The following NME9 variants were observed in gnomAD, a reference collection of about 807,000 sequenced individuals.
NME9 encodes the protein thioredoxin domain-containing protein 6.
Under a neutral mutation model 44.4 loss-of-function variants are expected in NME9, and 48 were observed. The observed-to-expected ratio is 1.08, with a 90% CI of 0.86 to 1.37. The LOEUF (loss-of-function observed/expected upper bound fraction) is 1.37. Among genes scored for constraint, NME9 ranks in the 40% most tolerant of loss-of-function variants. The pLI, the probability that NME9 is intolerant of heterozygous loss-of-function variation, is 0.00. For missense variants in NME9, 325 were observed against 405.2 expected (o/e 0.80, Z 1.70); for synonymous variants, 139 against 147.1 (o/e 0.94, Z 0.40).
chr3:138,270,419 T>C (rs1248865288), intron 8 of NME9, among the ~76,000 whole-genome samples: 1 of 152,214 alleles, frequency 6.6e-6, no homozygotes, highest in Non-Finnish European at 1.5e-5. Flanking sequence ...CATGAACATA[T>C]TATATTTTTG....
chr3:138,270,780 A>T (rs2048717341), intron 8 of NME9, among the ~76,000 whole-genome samples: 1 of 152,156 alleles, frequency 6.6e-6, no homozygotes, highest in South Asian at 2.1e-4. Flanking sequence ...ATAATTTGTA[A>T]TATATTGTAA....
intron 8 of NME9, among the ~76,000 whole-genome samples, chr3:138,275,959 A>C (rs1460972727): frequency 6.6e-6 from 1 of 152,220 alleles, no homozygotes; most frequent in African/African-American, 2.4e-5. Flanking sequence ...CAATGAAGAA[A>C]GTACATTGTT....
chr3:138,307,052 G>A (rs1329442530), intron 6 of NME9, among the ~76,000 whole-genome samples: 1 of 152,192 alleles, frequency 6.6e-6, no homozygotes. Flanking sequence ...TCCAGGCCCT[G>A]AGTCTGCATG....
At chr3:138,329,240 T>C (rs890902931) in intron 1 of NME9, 63 bp downstream of exon 1, 6 of 1,409,356 alleles carry the variant, frequency 4.3e-6, no homozygotes, top group East Asian at 2.5e-5. Context: ...AACCCCGCTC[T>C]AATCACCCTC....
In NME9 at chr3:138,279,054, A is replaced by G. The variant is rs149531301; in HGVS notation, c.746-16468T>C. ...GTTTCATTGTCTAGCTAGAACTTGC[A>G]GTGTAATGAGATGAGGATGAACATA... On this transcript the variant is annotated intron_variant, in intron 8 of 8. Transcript: ENST00000317876. Among the ~76,000 whole-genome samples the G allele has an allele frequency of 4.7e-4, 71 of 152,334 alleles. 1 individual carries two copies. Among genetic ancestry groups the G allele is most frequent in the Middle Eastern group, 3.4e-3 (1 of 294 alleles).
At chr3:138,299,389 G>C (rs1036394684), downstream of NME9, among the ~76,000 whole-genome samples, 1 of 152,082 alleles carries the variant, frequency 6.6e-6, no homozygotes, top group Non-Finnish European at 1.5e-5. Flanking sequence ...TGCCCTCCTC[G>C]TCAGGCACTC....
At chr3:138,296,558 AAAG>A (rs2051505429), downstream of NME9, 1 of 152,182 alleles carries the variant, frequency 6.6e-6, no homozygotes, top group Non-Finnish European at 1.5e-5. Flanking sequence ...AAAGAAAAAA[AAAG>A]AAAAAGTTGG....
intron 1 of NME9, among the ~76,000 whole-genome samples, chr3:138,328,418 C>T (rs1221662545): frequency 7.0e-6 from 1 of 142,610 alleles, no homozygotes; most frequent in Non-Finnish European, 1.5e-5. Context: ...TTTTTTAAAC[C>T]ACTAGGCTTT....
intron 8 of NME9, among the ~76,000 whole-genome samples, chr3:138,285,165 C>T (rs767965302): frequency 1.3e-5 from 2 of 152,190 alleles, no homozygotes; most frequent in Non-Finnish European, 2.9e-5. Context: ...TCCTAGTGTC[C>T]TTCAGTGATT....
At chr3:138,262,679 G>C (rs940649218) in intron 8 of NME9, 3 of 1,258,260 alleles carry the variant, frequency 2.4e-6, no homozygotes, top group Non-Finnish European at 3.1e-6. Context: ...CCTGGACATA[G>C]GATTAAAAAA....
At chr3:138,280,816 TG>T (rs2049830679) in intron 8 of NME9, among the ~76,000 whole-genome samples, 4 of 151,460 alleles carry the variant, frequency 2.6e-5, no homozygotes, top group Middle Eastern at 3.2e-3. Flanking sequence ...TTAATAGAGA[TG>T]GGGTTTTGCC....
intron 8 of NME9, chr3:138,273,053 T>C: frequency 6.2e-7 from 1 of 1,613,604 alleles, no homozygotes; most frequent in South Asian, 1.1e-5. Flanking sequence ...TATTATCAGA[T>C]TCAGATTTGA....
chr3:138,297,130 C>G (rs116360704), downstream of NME9: 2 of 152,228 alleles, frequency 1.3e-5, no homozygotes, highest in Admixed American at 1.3e-4. Flanking sequence ...TTTTGTAAAA[C>G]GAGATTGAAA....
chr3:138,292,385 C>T (rs2051044927), intron 8 of NME9, among the ~76,000 whole-genome samples: 2 of 152,154 alleles, frequency 1.3e-5, no homozygotes, highest in Non-Finnish European at 2.9e-5. Flanking sequence ...TACAGAGAAC[C>T]ATCTGTAGGA....
chr3:138,300,245 CAGT>C (rs1054419561), downstream of NME9, among the ~76,000 whole-genome samples: 1 of 152,182 alleles, frequency 6.6e-6, no homozygotes, highest in Non-Finnish European at 1.5e-5. Flanking sequence ...TGGCCTTAAA[CAGT>C]AGGGCCTACT....
At position 138,305,361 on chromosome 3, in the gene NME9, G is replaced by A. The variant is rs116179588; in HGVS notation, c.637-334C>T. Among the ~76,000 whole-genome samples, 350 of 152,352 alleles carry A rather than the reference G, an allele frequency of 2.3e-3. 1 individual carries two copies. Among genetic ancestry groups the A allele is most frequent in the African/African-American group, 7.2e-3 (299 of 41,572 alleles). On this transcript the variant is annotated intron_variant, in intron 8 of 10. Transcript: ENST00000333911. ...ACCATATCTATGGAAATCGTGTGAT[G>A]CTGGATAACCAAGGGCTGAAATATA...
chr3:138,299,033 A>C (rs1467323556), downstream of NME9, among the ~76,000 whole-genome samples: 1 of 152,186 alleles, frequency 6.6e-6, no homozygotes, highest in Non-Finnish European at 1.5e-5. Flanking sequence ...GTGAGGTCTA[A>C]GGAGGGAAGG....
chr3:138,317,824 A>G (rs374377151), intron 4 of NME9, among the ~76,000 whole-genome samples: 1 of 152,240 alleles, frequency 6.6e-6, no homozygotes, highest in East Asian at 1.9e-4. Context: ...CCCTGTGTAC[A>G]GCAAGTCAGG....
In NME9 at chr3:138,303,601, G is replaced by C. The variant is rs757021306; in HGVS notation, c.834C>G (p.Val278=). ...CATCTTCTCTGTCCCGGCTTCCATG[G>C]ACGGCATTGAAGGGCATTTCTGTGC... ...QYGTEMPFNA[V]HGSRDREDAD... Residue 278 remains valine, a synonymous_variant, in exon 10 of 11, where the codon GTC becomes GTG. Coordinates refer to ENST00000333911, the MANE Select transcript of NME9 (RefSeq NM_001349018.2). 1 of 1,613,726 alleles carries C rather than the reference G, an allele frequency of 6.2e-7. No individual in the cohort carries two copies. The highest frequency in any genetic ancestry group is 1.7e-5 in the Admixed American group (1 of 60,032).
Sources: gnomAD v4.1 joint callset for allele counts (sites outside exome capture counted in the v4.1 genomes callset) on GRCh38, gnomAD v4.1.1 for gene constraint, MANE v1.5 for transcripts, NCBI Gene and HGNC (gene_info 2026-07-23, HGNC 2026-07-21) for gene names.